LRP12: variants seen among roughly 807,000 people sequenced by gnomAD.
The protein encoded by LRP12 is LDL receptor related protein 12.
In LRP12, 14 loss-of-function variants were observed where a neutral mutation model predicts 66.0. That is an observed-to-expected ratio of 0.21 (90% CI 0.14 to 0.33). The LOEUF (loss-of-function observed/expected upper bound fraction) is 0.33. LRP12 is among the 10% of genes least tolerant of loss of function. The pLI is 1.00. For synonymous variants in LRP12, 357 were observed against 359.1 expected, an observed-to-expected ratio of 0.99 and a Z score of 0.07; for missense variants, 889 against 1,053.4, an observed-to-expected ratio of 0.84 and a Z score of 2.16.
chr8:104,502,592 G>C (rs984393170), intron 3 of LRP12, among the ~76,000 whole-genome samples: 4 of 152,168 alleles, frequency 2.6e-5, no homozygotes, highest in Non-Finnish European at 5.9e-5. Context: ...AGACTGGCAA[G>C]AATCTTCAGA....
At chr8:104,545,415 G>A (rs929233320) in intron 1 of LRP12, among the ~76,000 whole-genome samples, 3 of 152,128 alleles carry the variant, frequency 2.0e-5, no homozygotes, top group Non-Finnish European at 2.9e-5. Flanking sequence ...ATTCTACTGT[G>A]GGCAAAAGGC....
chr8:104,540,871 TTACAGGCACGTGCCA>T (rs1381856251), intron 1 of LRP12, among the ~76,000 whole-genome samples: 4 of 152,134 alleles, frequency 2.6e-5, no homozygotes, highest in African/African-American at 9.7e-5. Context: ...ATAGCTGGGA[TTACAGGCACGTGCCA>T]TCACGCCCAG....
intron 2 of LRP12, among the ~76,000 whole-genome samples, chr8:104,513,880 C>T (rs770308850): frequency 1.3e-5 from 2 of 152,106 alleles, no homozygotes; most frequent in East Asian, 1.9e-4. Flanking sequence ...AACCCAGAGG[C>T]TTTGCATAGT....
At chr8:104,536,322 G>A (rs189146944) in intron 1 of LRP12, among the ~76,000 whole-genome samples, 1 of 152,058 alleles carries the variant, frequency 6.6e-6, no homozygotes, top group Admixed American at 6.6e-5. Context: ...TCCCATACTA[G>A]GTTAGGTCAT....
At chr8:104,556,690 A>G (rs1811814540) in intron 1 of LRP12, among the ~76,000 whole-genome samples, 1 of 152,232 alleles carries the variant, frequency 6.6e-6, no homozygotes, top group Non-Finnish European at 1.5e-5. Context: ...ACACATTCAA[A>G]GAAGAATTGG....
intron 1 of LRP12, among the ~76,000 whole-genome samples, chr8:104,564,954 T>C (rs1413997952): frequency 2.0e-5 from 3 of 151,154 alleles, no homozygotes; most frequent in African/African-American, 7.3e-5. Context: ...AAATCATAAA[T>C]AGACGTATTA....
chr8:104,537,212 C>G (rs2140867386), intron 1 of LRP12, among the ~76,000 whole-genome samples: 1 of 152,064 alleles, frequency 6.6e-6, no homozygotes, highest in South Asian at 2.1e-4. Flanking sequence ...AGAACCCAAG[C>G]AAAGCAGGGA....
At chr8:104,558,403 A>G (rs562286504) in intron 1 of LRP12, among the ~76,000 whole-genome samples, 308 of 152,334 alleles carry the variant, frequency 2.0e-3, no homozygotes, top group Non-Finnish European at 3.5e-3. Flanking sequence ...GGGAGGTCAC[A>G]TGTAGAAGAA....
intron 2 of LRP12, among the ~76,000 whole-genome samples, chr8:104,524,074 C>T (rs976556760): frequency 6.6e-6 from 1 of 151,640 alleles, no homozygotes; most frequent in East Asian, 1.9e-4. Context: ...GGCAAAACCC[C>T]GTCTCTACAA....
At chr8:104,586,886 G>C (rs1052223708) in intron 1 of LRP12, among the ~76,000 whole-genome samples, 4 of 151,564 alleles carry the variant, frequency 2.6e-5, no homozygotes, top group Non-Finnish European at 5.9e-5. Context: ...ATCAACCTTT[G>C]GCATAATCAC....
rs1810603817 is a variant in LRP12 at position 104,490,633 on chromosome 8, T to C, written c.*40A>G. 2 of 1,531,042 alleles carry C rather than the reference T, an allele frequency of 1.3e-6. No individual in the cohort carries two copies. Among genetic ancestry groups the C allele is most frequent in the Non-Finnish European group, 1.8e-6 (2 of 1,142,696 alleles). 94.8% of individuals were successfully genotyped at this position (1,531,042 alleles called of 1,614,324 possible). A position where few individuals can be genotyped will look rare whatever the true frequency, so the allele number is the denominator to read the frequency against. On this transcript the variant is annotated 3_prime_UTR_variant, in exon 7 of 7. Transcript: ENST00000276654. ...AAGTTACAAAATAATAAATGGATATTGCTCCAACTTGTATACAATCTCCCT... is the reference window on the plus strand; with the variant it reads ...AAGTTACAAAATAATAAATGGATATCGCTCCAACTTGTATACAATCTCCCT...
chr8:104,537,996 C>T (rs1811414200), intron 1 of LRP12, among the ~76,000 whole-genome samples: 1 of 152,134 alleles, frequency 6.6e-6, no homozygotes, highest in Non-Finnish European at 1.5e-5. Flanking sequence ...AGTACCACAT[C>T]CAGGGGAAGA....
chr8:104,531,939 G>T lies in LRP12; in HGVS notation c.104C>A (p.Ser35Tyr). The T allele has an allele frequency of 6.3e-7, 1 of 1,590,462 alleles. No homozygotes were observed. The highest frequency in any genetic ancestry group is 8.5e-7 in the Non-Finnish European group (1 of 1,170,154). ...VYGNGALAEH[S>Y]ENVHISGVST... ...CACTCCTGAAATATGCACATTTTCA[G>T]AATGTTCTGCAAGAGCACCATTTCC... Residue 35 changes from serine (S) to tyrosine (Y), a missense_variant, in exon 2 of 7, where the codon TCT becomes TAT. This residue lies in a region of LRP12 where 88 missense variants were observed against 72.5 expected (regional missense o/e 1.21). Coordinates refer to ENST00000276654, the MANE Select transcript of LRP12 (RefSeq NM_013437.5).
At chr8:104,577,156 T>C (rs1279564006) in intron 1 of LRP12, among the ~76,000 whole-genome samples, 1 of 152,080 alleles carries the variant, frequency 6.6e-6, no homozygotes, top group African/African-American at 2.4e-5. Flanking sequence ...AACACCTCAC[T>C]GACAGTATTA....
rs1810593401 is a variant in LRP12, at chr8:104,490,114, G to GT, written c.*558dup. On this transcript the variant is annotated 3_prime_UTR_variant, in exon 7 of 7. Transcript: ENST00000276654. ...AATTTCACATGATTGTATGTTAAAC[G>GT]TAAGAGAAAAATTTTTAGACAGTTT... 1 of 152,478 alleles carries GT rather than the reference G, an allele frequency of 6.6e-6. No individual in the cohort carries two copies. The allele number at this position is 152,478 out of a possible 1,614,324, so 9.4% of individuals were successfully genotyped here. A position where few individuals can be genotyped will look rare whatever the true frequency, so the allele number is the denominator to read the frequency against.
At chr8:104,563,642 C>T (rs1452090952) in intron 1 of LRP12, among the ~76,000 whole-genome samples, 3 of 151,988 alleles carry the variant, frequency 2.0e-5, no homozygotes, top group Non-Finnish European at 4.4e-5. Flanking sequence ...GAGGTGATTA[C>T]GTCATGAGGG....
At chr8:104,579,239 A>T (rs111991050) in intron 1 of LRP12, among the ~76,000 whole-genome samples, 3,632 of 152,280 alleles carry the variant, frequency 0.024, 107 homozygotes, top group African/African-American at 0.065. Flanking sequence ...AATTCACAGG[A>T]TATAAAATCA....
At chr8:104,548,557 A>T (rs918604870) in intron 1 of LRP12, among the ~76,000 whole-genome samples, 1 of 119,766 alleles carries the variant, frequency 8.3e-6, no homozygotes, top group Non-Finnish European at 1.7e-5. Context: ...TTTGTATATG[A>T]TATAGAATTA....
intron 3 of LRP12, chr8:104,507,959 A>T (rs748429024): frequency 1.3e-5 from 2 of 152,236 alleles, no homozygotes; most frequent in African/African-American, 4.8e-5. Flanking sequence ...GGCTAAATGT[A>T]TAAGTCTTAT....
Sources: allele counts gnomAD v4.1 joint callset (sites outside exome capture counted in the v4.1 genomes callset), GRCh38; gene constraint gnomAD v4.1.1; regional missense constraint gnomAD v4.1.1; transcripts MANE v1.5; gene names NCBI Gene and HGNC (gene_info 2026-07-23, HGNC 2026-07-21).